Variants in ATP2A2 observed in about 807,000 individuals in gnomAD.
ATP2A2 encodes the protein ATPase sarcoplasmic/endoplasmic reticulum Ca2+ transporting 2, also known as sarcoplasmic/endoplasmic reticulum calcium ATPase 2.
A neutral mutation model predicts 109.3 loss-of-function variants in ATP2A2; 14 were observed. The ratio of observed to expected loss-of-function variants is 0.13; its 90% confidence interval spans 0.08 to 0.20. The LOEUF (loss-of-function observed/expected upper bound fraction) is 0.20. ATP2A2 is among the 10% of genes least tolerant of loss of function. ATP2A2 has a pLI of 1.00. For synonymous variants in ATP2A2, 506 were observed against 490.9 expected (o/e 1.03, Z -0.41); for missense variants, 657 against 1,321.6 (o/e 0.50, Z 7.80).
chr12:110,344,864 G>A (rs770020167), intron 16 of ATP2A2, 22 bp from the exon 17 acceptor site: 2 of 1,613,516 alleles, frequency 1.2e-6, no homozygotes, highest in South Asian at 2.2e-5. Context: ...AAGTGCATCA[G>A]CATCACTGTG....
rs1376789852 is a variant in ATP2A2 at position 110,346,946 on chromosome 12, T to G, written c.*476T>G. On this transcript the variant is annotated 3_prime_UTR_variant, in exon 20 of 20. Coordinates refer to ENST00000539276, the MANE Select transcript of ATP2A2 (RefSeq NM_170665.4). ...TATTCATAAGCCAATTTTTCTGCAC[T>G]GAGCAGAGTCTTGCTACCTCAGTCA... The G allele has an allele frequency of 9.2e-7, 1 of 1,092,502 alleles. No homozygotes were observed. Among genetic ancestry groups the G allele is most frequent in the Non-Finnish European group, 1.1e-6 (1 of 895,508 alleles). 67.7% of individuals were successfully genotyped at this position (1,092,502 alleles called of 1,614,324 possible). A position where few individuals can be genotyped will look rare whatever the true frequency, so the allele number is the denominator to read the frequency against.
At position 110,346,434 on chromosome 12, in the gene ATP2A2, C is replaced by G; in HGVS notation, c.3093C>G (p.Ser1031Arg). The stretch of plus-strand genomic sequence containing the variant: ...TGCCCCTGGTGATCTGGGTCTATAG[C>G]ACAGACACTAACTTTAGCGATATGT... Reference protein sequence around the residue: ...LIMPLVIWVYSTDTNFSDMFW... With the variant: ...LIMPLVIWVYRTDTNFSDMFW... Residue 1031 changes from serine to arginine, a missense_variant, in exon 20 of 20, where the codon AGC becomes AGG. Coordinates refer to ENST00000539276, the MANE Select transcript of ATP2A2 (RefSeq NM_170665.4). 1 of 1,614,264 alleles carries G rather than the reference C, an allele frequency of 6.2e-7. No individual in the cohort carries two copies. Among genetic ancestry groups the G allele is most frequent in the Non-Finnish European group, 8.5e-7 (1 of 1,180,050 alleles).
chr12:110,332,751 G>A (rs944615650), intron 9 of ATP2A2, 66 bp downstream of exon 9: 9 of 1,353,890 alleles, frequency 6.6e-6, no homozygotes, highest in Non-Finnish European at 6.4e-6. Flanking sequence ...TTGATTTGCA[G>A]CATGTCTACA....
In ATP2A2 at chr12:110,327,855, G is replaced by T. The variant is rs569637288; in HGVS notation, c.933G>T (p.Leu311=). 8 of 1,614,144 alleles carry T rather than the reference G, an allele frequency of 5.0e-6. No homozygotes were observed. The highest frequency in any genetic ancestry group is 5.9e-6 in the Non-Finnish European group (7 of 1,180,030). Residue 311 remains leucine, a synonymous_variant, in exon 8 of 20, where the codon CTG becomes CTT. Coordinates refer to ENST00000539276, the MANE Select transcript of ATP2A2 (RefSeq NM_170665.4). The surrounding 1 kb of genome is among the most constrained non-coding windows in gnomAD (Gnocchi z 4.4). ...CTGTAGCAGCCATTCCTGAAGGTCT[G>T]CCTGCAGTCATCACCACCTGCCTGG... ...ALAVAAIPEG[L]PAVITTCLAL...
At chr12:110,299,398 GAGGAC>G (rs1874310351) in intron 5 of ATP2A2, among the ~76,000 whole-genome samples, 4 of 152,302 alleles carry the variant, frequency 2.6e-5, no homozygotes, top group African/African-American at 7.2e-5. Context: ...AAGAGATAAT[GAGGAC>G]AGTAACATTA....
intron 8 of ATP2A2, 33 bp from the exon 9 acceptor site, chr12:110,332,564 T>G: frequency 6.4e-7 from 1 of 1,553,158 alleles, no homozygotes; most frequent in Non-Finnish European, 8.9e-7. Context: ...TAAAAATCCC[T>G]TTTAAATACT....
Position 110,294,725 on chromosome 12 carries a change from G to T in ATP2A2, c.325-1874G>T, listed in dbSNP as rs541499959. 8.5e-5 allele frequency among the ~76,000 whole-genome samples: 13 copies of T among 152,310 alleles called. No individual in the cohort carries two copies. In the South Asian group the frequency reaches 2.5e-3, roughly 29 times the overall value. On this transcript the variant is annotated intron_variant, in intron 4 of 19. Transcript: ENST00000539276. ...ATACTGAATGGTATGAGCAGCAATAGAGGGTTGTGGCCTTCTGAAAGTAAG... is the reference window on the plus strand; with the variant it reads ...ATACTGAATGGTATGAGCAGCAATATAGGGTTGTGGCCTTCTGAAAGTAAG...
intron 5 of ATP2A2, among the ~76,000 whole-genome samples, chr12:110,322,155 C>T (rs1346562368): frequency 1.3e-5 from 2 of 152,102 alleles, no homozygotes; most frequent in Non-Finnish European, 1.5e-5. Flanking sequence ...GATATATGCC[C>T]CAGCTGTGCA....
chr12:110,319,391 A>G (rs1450698739), intron 5 of ATP2A2, among the ~76,000 whole-genome samples: 1 of 151,814 alleles, frequency 6.6e-6, no homozygotes, highest in Non-Finnish European at 1.5e-5. Flanking sequence ...AACATTTAGA[A>G]CAGCTGTGGT....
intron 3 of ATP2A2, 84 bp downstream of exon 3, chr12:110,282,879 G>T: frequency 8.5e-7 from 1 of 1,171,196 alleles, no homozygotes; most frequent in South Asian, 1.3e-5. Flanking sequence ...GATGTCCATT[G>T]GGTGAAAACA....
chr12:110,298,053 A>G (rs1022827035), intron 5 of ATP2A2, among the ~76,000 whole-genome samples: 1 of 152,172 alleles, frequency 6.6e-6, no homozygotes, highest in African/African-American at 2.4e-5. Context: ...TGAGTTAAGT[A>G]TACTATTTAC....
intron 9 of ATP2A2, 113 bp from the exon 10 acceptor site, chr12:110,333,068 T>C (rs568010526): frequency 1.0e-6 from 1 of 966,290 alleles, no homozygotes; most frequent in Admixed American, 1.7e-5. Flanking sequence ...TTTTCCAGTA[T>C]GTTGTCCCAG....
chr12:110,291,171 G>T (rs150891384), intron 3 of ATP2A2, among the ~76,000 whole-genome samples: 2,289 of 150,996 alleles, frequency 0.015, 30 homozygotes, highest in Non-Finnish European at 0.023. Flanking sequence ...GCCTCCCAAA[G>T]TGCTGGAATT....
At chr12:110,322,219 T>G (rs1319607964) in intron 5 of ATP2A2, among the ~76,000 whole-genome samples, 3 of 152,244 alleles carry the variant, frequency 2.0e-5, no homozygotes, top group Non-Finnish European at 4.4e-5. Flanking sequence ...CCATTGGAAG[T>G]TGTCATTTTA....
At chr12:110,321,235 A>G (rs1019792023) in intron 5 of ATP2A2, among the ~76,000 whole-genome samples, 1 of 152,234 alleles carries the variant, frequency 6.6e-6, no homozygotes, top group Non-Finnish European at 1.5e-5. Context: ...CTCTGAAAAG[A>G]AAATAAAAAA....
intron 10 of ATP2A2, 45 bp downstream of exon 10, chr12:110,333,328 A>G (rs746840470): frequency 9.9e-6 from 15 of 1,518,478 alleles, no homozygotes; most frequent in Admixed American, 3.3e-5. Flanking sequence ...TCCTAGTTCA[A>G]GGGTGGGGTG....
chr12:110,338,616 A>G (rs548338269), intron 11 of ATP2A2, among the ~76,000 whole-genome samples: 2 of 152,108 alleles, frequency 1.3e-5, no homozygotes, highest in South Asian at 4.2e-4. Flanking sequence ...CTGCCACCAC[A>G]CCTAGCTAAT....
chr12:110,288,164 GT>G (rs1359443934), intron 3 of ATP2A2, among the ~76,000 whole-genome samples: 8 of 133,810 alleles, frequency 6.0e-5, no homozygotes, highest in African/African-American at 1.8e-4. Flanking sequence ...CTGGAATGTA[GT>G]AGTGGCACGA....
At chr12:110,315,872 G>A (rs1876609312) in intron 5 of ATP2A2, among the ~76,000 whole-genome samples, 1 of 152,216 alleles carries the variant, frequency 6.6e-6, no homozygotes, top group African/African-American at 2.4e-5. Flanking sequence ...CCAGGAGGCG[G>A]GGGTTGCAGT....
Sources: allele counts gnomAD v4.1 joint callset (sites outside exome capture counted in the v4.1 genomes callset), GRCh38; gene constraint gnomAD v4.1.1; non-coding constraint Gnocchi (gnomAD v3.1); transcripts MANE v1.5; gene names NCBI Gene and HGNC (gene_info 2026-07-23, HGNC 2026-07-21).